The following ADAMTSL1 variants were observed in gnomAD, a reference collection of about 807,000 sequenced individuals.
ADAMTSL1 encodes the protein ADAMTS-like protein 1.
ADAMTSL1 carries 126 observed loss-of-function variants against 201.8 expected under a neutral mutation model. The observed-to-expected ratio is 0.62, with a 90% CI of 0.54 to 0.72. The LOEUF is 0.72. Ranked by LOEUF, ADAMTSL1 falls within the 30% of genes least tolerant of loss-of-function variation. The pLI is 0.00. For missense variants in ADAMTSL1, 2,679 were observed against 2,277.8 expected, an observed-to-expected ratio of 1.18 and a Z score of -3.59; for synonymous variants, 1,121 against 903.4, an observed-to-expected ratio of 1.24 and a Z score of -4.32.
chr9:17,925,303 C>A lies in ADAMTSL1; in HGVS notation c.87+18381C>A, dbSNP rs1230152309. 6.6e-5 allele frequency among the ~76,000 whole-genome samples: 8 copies of A among 121,664 alleles called. 3 individuals carry two copies. The highest frequency in any genetic ancestry group is 1.4e-4 in the Non-Finnish European group (8 of 55,594). 79.8% of individuals were successfully genotyped at this position (121,664 alleles called of 152,430 possible). Reference sequence around the variant, plus strand: ...ATTGTGGAAGTCAGTGTGGCGATTCCTCAGGGATCTAGAACTAGAAATACC... The same window carrying A: ...ATTGTGGAAGTCAGTGTGGCGATTCATCAGGGATCTAGAACTAGAAATACC... On this transcript the variant is annotated intron_variant, in intron 1 of 29. Transcript: ENST00000680146.
Position 18,508,607 on chromosome 9 carries a change from C to G in ADAMTSL1, c.191+3651C>G, listed in dbSNP as rs12001313. 6.4e-3 allele frequency among the ~76,000 whole-genome samples: 974 copies of G among 152,280 alleles called. 13 individuals are homozygous for G. Among genetic ancestry groups the G allele is most frequent in the African/African-American group, 0.021 (881 of 41,564 alleles). On this transcript the variant is annotated intron_variant, in intron 2 of 28. Coordinates refer to ENST00000380548, the MANE Select transcript of ADAMTSL1 (RefSeq NM_001040272.6). ...AACAGAAATTCCTGGGTTACAGCCT[C>G]ATGTTTCAAAAAGCTAGCTTTCAGC...
intron 2 of ADAMTSL1, among the ~76,000 whole-genome samples, chr9:18,287,265 A>G (rs1315361772): frequency 6.6e-6 from 1 of 152,106 alleles, no homozygotes; most frequent in African/African-American, 2.4e-5. Context: ...GGCAAAGTAA[A>G]TTACATGGCT....
intron 2 of ADAMTSL1, among the ~76,000 whole-genome samples, chr9:18,251,760 AC>A (rs1174961830): frequency 2.0e-5 from 3 of 152,346 alleles, no homozygotes; most frequent in African/African-American, 7.2e-5. Context: ...TAGAGCTGGC[AC>A]GGGCACAGAG....
At chr9:18,116,046 C>G (rs1481206878) in intron 1 of ADAMTSL1, among the ~76,000 whole-genome samples, 1 of 152,114 alleles carries the variant, frequency 6.6e-6, no homozygotes, top group African/African-American at 2.4e-5. Context: ...GTCATGCCAG[C>G]ACTATTAGAG....
intron 1 of ADAMTSL1, among the ~76,000 whole-genome samples, chr9:17,974,720 T>C (rs1487628900): frequency 2.0e-5 from 3 of 152,098 alleles, no homozygotes; most frequent in African/African-American, 7.2e-5. Context: ...GGCCGAGTAA[T>C]GTTTCATGAT....
chr9:18,828,527 G>C (rs779632821), intron 22 of ADAMTSL1, among the ~76,000 whole-genome samples: 1 of 151,252 alleles, frequency 6.6e-6, no homozygotes, highest in Non-Finnish European at 1.5e-5. Flanking sequence ...TTGTAGATGA[G>C]AAAACTAAGG....
chr9:18,817,912 C>A (rs1006707650), intron 21 of ADAMTSL1, among the ~76,000 whole-genome samples: 1 of 152,060 alleles, frequency 6.6e-6, no homozygotes, highest in African/African-American at 2.4e-5. Context: ...GAGAAGATAG[C>A]CAGTGGAGTT....
chr9:18,872,735 T>C (rs892682183), intron 23 of ADAMTSL1, among the ~76,000 whole-genome samples: 10 of 152,216 alleles, frequency 6.6e-5, no homozygotes, highest in Non-Finnish European at 1.5e-4. Context: ...TATCCACTCA[T>C]TGATTGATGG....
At chr9:18,298,144 G>C (rs1474901571) in intron 2 of ADAMTSL1, among the ~76,000 whole-genome samples, 1 of 152,180 alleles carries the variant, frequency 6.6e-6, no homozygotes, top group African/African-American at 2.4e-5. Flanking sequence ...AGAATTCACA[G>C]CTCAGGTGAG....
intron 4 of ADAMTSL1, among the ~76,000 whole-genome samples, chr9:18,582,780 C>T (rs1460949077): frequency 2.0e-5 from 3 of 151,578 alleles, no homozygotes; most frequent in East Asian, 1.9e-4. Context: ...ACCAGGGAGG[C>T]GGAGGTTGCA....
chr9:18,717,127 C>G (rs1365427390), intron 14 of ADAMTSL1, among the ~76,000 whole-genome samples: 2 of 149,354 alleles, frequency 1.3e-5, no homozygotes, highest in East Asian at 2.0e-4. Context: ...GGAGATATAC[C>G]TAATGCCAGA....
chr9:18,164,863 A>G (rs1388615555), intron 2 of ADAMTSL1, among the ~76,000 whole-genome samples: 1 of 151,838 alleles, frequency 6.6e-6, no homozygotes, highest in Admixed American at 6.6e-5. Flanking sequence ...TTTCTTTCAG[A>G]CAGAGTAAAT....
intron 13 of ADAMTSL1, among the ~76,000 whole-genome samples, chr9:18,706,391 G>T (rs368444722): frequency 6.6e-6 from 1 of 152,112 alleles, no homozygotes; most frequent in Non-Finnish European, 1.5e-5. Context: ...TATTAGTGGG[G>T]TCTTATAAAA....
At chr9:18,440,597 T>G (rs1405248566) in intron 2 of ADAMTSL1, among the ~76,000 whole-genome samples, 2 of 150,760 alleles carry the variant, frequency 1.3e-5, no homozygotes, top group African/African-American at 4.9e-5. Context: ...CTTTATCAGA[T>G]GTATAATATA....
chr9:18,136,746 G>A (rs752555526), intron 1 of ADAMTSL1, among the ~76,000 whole-genome samples: 6 of 152,110 alleles, frequency 3.9e-5, no homozygotes, highest in South Asian at 2.1e-4. Flanking sequence ...GGCAGCAGCT[G>A]GGGTTGCAGT....
intron 2 of ADAMTSL1, among the ~76,000 whole-genome samples, chr9:18,359,359 A>G (rs1482705329): frequency 6.6e-6 from 1 of 152,164 alleles, no homozygotes; most frequent in Non-Finnish European, 1.5e-5. Flanking sequence ...TTTGGCACCA[A>G]TCATCTTTGA....
At chr9:18,710,899 A>G (rs966832450) in intron 14 of ADAMTSL1, among the ~76,000 whole-genome samples, 1 of 152,112 alleles carries the variant, frequency 6.6e-6, no homozygotes, top group Admixed American at 6.5e-5. Context: ...GACCAATTCC[A>G]TATGATTAAA....
At chr9:18,151,128 C>G (rs139060255) in intron 1 of ADAMTSL1, among the ~76,000 whole-genome samples, 11 of 152,102 alleles carry the variant, frequency 7.2e-5, no homozygotes, top group African/African-American at 2.6e-4. Flanking sequence ...ATACATAGAT[C>G]CAAATGTGTT....
chr9:18,259,843 A>G (rs986146065), intron 2 of ADAMTSL1, among the ~76,000 whole-genome samples: 3 of 152,134 alleles, frequency 2.0e-5, no homozygotes, highest in African/African-American at 7.2e-5. Flanking sequence ...TTTCTTAGTT[A>G]AAAAAATAAA....
Sources: gnomAD v4.1 joint callset for allele counts (sites outside exome capture counted in the v4.1 genomes callset) on GRCh38, gnomAD v4.1.1 for gene constraint, MANE v1.5 for transcripts, NCBI Gene and HGNC (gene_info 2026-07-23, HGNC 2026-07-21) for gene names.